Variants in REV3L observed in about 807,000 individuals in gnomAD.
REV3L encodes REV3 like, DNA directed polymerase zeta catalytic subunit, also known as DNA polymerase zeta catalytic subunit.
A neutral mutation model predicts 299.4 loss-of-function variants in REV3L; 69 were observed. That is an observed-to-expected ratio of 0.23 (90% CI 0.19 to 0.28). The LOEUF is 0.28. Ranked by LOEUF, REV3L falls within the 10% of genes least tolerant of loss-of-function variation. The pLI is 1.00. For missense variants in REV3L, 3,128 were observed against 3,693.8 expected (o/e 0.85, Z 3.97); for synonymous variants, 1,238 against 1,271.4 (o/e 0.97, Z 0.56).
chr6:111,342,037 A>G (rs529632127), intron 21 of REV3L, among the ~76,000 whole-genome samples: 1 of 152,054 alleles, frequency 6.6e-6, no homozygotes, highest in African/African-American at 2.4e-5. Flanking sequence ...AAAACTTAAA[A>G]CCAAATACTG....
chr6:111,366,695 T>G (rs977966509), intron 14 of REV3L, among the ~76,000 whole-genome samples: 1 of 151,912 alleles, frequency 6.6e-6, no homozygotes, highest in Non-Finnish European at 1.5e-5. Context: ...GAGAAATGAG[T>G]AGGAGGTAAA....
Position 111,389,183 on chromosome 6 carries a change from T to C in REV3L, c.785A>G (p.Gln262Arg), listed in dbSNP as rs778100076. The change falls in exon 7 of 32, where the codon CAG becomes CGG. Residue 262 changes from glutamine (Q) to arginine (R), a missense_variant. Physicochemically the swap from Gln to Arg is conservative, Grantham distance 43. Coordinates refer to ENST00000368802, the MANE Select transcript of REV3L (RefSeq NM_001372078.1). ...EAQIGGNPGL[Q>R]AIWEDEKQRR... ...TTGCTTTTCATCTTCCCATATGGCC[T>C]GTAGACCAGGGTTTCCACCAATTTG... 6.8e-6 allele frequency: 11 copies of C among 1,613,822 alleles called. No individual in the cohort carries two copies. The South Asian group carries it at 8.8e-5, about 13-fold the overall frequency.
chr6:111,442,639 TTTTGCCATTTTGTTTTC>T (rs1247567297), intron 1 of REV3L, among the ~76,000 whole-genome samples: 3 of 152,186 alleles, frequency 2.0e-5, no homozygotes, highest in African/African-American at 7.2e-5. Flanking sequence ...TGAGGTTATG[TTTTGCCATTTTGTTTTC>T]TATTTTTCCT....
intron 30 of REV3L, 183 bp from the exon 31 acceptor site, chr6:111,307,753 G>GGCAAGGACTTCAT: frequency 1.7e-6 from 1 of 586,966 alleles, no homozygotes; most frequent in Non-Finnish European, 3.0e-6. Context: ...AATGAATGAA[G>GGCAAGGACTTCAT]TCCTTGCCTT....
chr6:111,465,745 CAAAAAAA>C (rs376561912), intron 1 of REV3L, among the ~76,000 whole-genome samples: 1 of 76,864 alleles, frequency 1.3e-5, no homozygotes, highest in South Asian at 6.1e-4. Context: ...AAACAAAAAC[CAAAAAAA>C]AAAAAAAAAA....
chr6:111,326,335 C>A (rs2114802885), intron 25 of REV3L, among the ~76,000 whole-genome samples: 2 of 152,182 alleles, frequency 1.3e-5, no homozygotes, highest in South Asian at 4.2e-4. Flanking sequence ...TCTGAATAGA[C>A]ATTTCTCAAA....
At chr6:111,393,821 G>A (rs1389383064) in intron 4 of REV3L, among the ~76,000 whole-genome samples, 2 of 151,922 alleles carry the variant, frequency 1.3e-5, no homozygotes, top group Non-Finnish European at 1.5e-5. Context: ...GGTGCATCAC[G>A]ACTCCTGGCT....
chr6:111,385,850 G>A (rs1480328155), intron 9 of REV3L, among the ~76,000 whole-genome samples: 1 of 152,062 alleles, frequency 6.6e-6, no homozygotes, highest in Non-Finnish European at 1.5e-5. Context: ...CTTTAAAGAT[G>A]CTCAAATTCA....
At chr6:111,449,980 C>T (rs930938217) in intron 1 of REV3L, among the ~76,000 whole-genome samples, 1 of 151,874 alleles carries the variant, frequency 6.6e-6, no homozygotes, top group East Asian at 1.9e-4. Context: ...TAGAAGAATG[C>T]CTGAATATAT....
At chr6:111,352,425 A>G (rs1482601351) in intron 18 of REV3L, among the ~76,000 whole-genome samples, 2 of 152,190 alleles carry the variant, frequency 1.3e-5, no homozygotes, top group African/African-American at 4.8e-5. Flanking sequence ...GTGAAGGTAC[A>G]AGTGAGAATA....
At chr6:111,478,104 G>A (rs1252299298) in intron 1 of REV3L, among the ~76,000 whole-genome samples, 1 of 152,168 alleles carries the variant, frequency 6.6e-6, no homozygotes, top group East Asian at 1.9e-4. Flanking sequence ...CCTTGTAGCT[G>A]TTCCTCTATC....
chr6:111,373,487 A>C lies in REV3L; in HGVS notation c.4868T>G (p.Phe1623Cys), dbSNP rs139854934. The part of the protein sequence containing the change: ...DNSVSDDSPI[F>C]FSDPGFESCY... ...ACTTTCAAAGCCTGGATCTGAAAAA[A>C]AGATGGGACTATCATCTGATACAGA... Residue 1623 changes from phenylalanine (F) to cysteine (C), a missense_variant, in exon 13 of 32, where the codon TTT becomes TGT. Around this residue, in one of 9 missense-constraint regions of REV3L, gnomAD observed 2,409 missense variants for 2,611.8 expected, o/e 0.92. Transcript: ENST00000368802. 11 of 1,613,318 alleles carry C rather than the reference A, an allele frequency of 6.8e-6. No individual in the cohort carries two copies. The African/African-American group carries it at 1.1e-4, about 16-fold the overall frequency.
chr6:111,354,340 T>A (rs192434742), intron 18 of REV3L, among the ~76,000 whole-genome samples: 251 of 152,102 alleles, frequency 1.7e-3, no homozygotes, highest in African/African-American at 5.6e-3. Flanking sequence ...ACACTTTTTT[T>A]AAAAAAAATA....
intron 25 of REV3L, among the ~76,000 whole-genome samples, chr6:111,328,971 T>C (rs2114816393): frequency 6.6e-6 from 1 of 152,312 alleles, no homozygotes; most frequent in East Asian, 1.9e-4. Context: ...TTCACCATGT[T>C]GCCCAGGCTG....
chr6:111,340,024 G>A (rs1216893806), intron 21 of REV3L, among the ~76,000 whole-genome samples: 1 of 152,132 alleles, frequency 6.6e-6, no homozygotes, highest in Non-Finnish European at 1.5e-5. Context: ...ATAGGCTTGG[G>A]TAGTGCTGAA....
At chr6:111,354,377 A>G (rs1777883637) in intron 18 of REV3L, among the ~76,000 whole-genome samples, 1 of 152,174 alleles carries the variant, frequency 6.6e-6, no homozygotes, top group South Asian at 2.1e-4. Context: ...TTCGTCTCAG[A>G]TAAAAAGCTG....
chr6:111,376,595 G>C lies in REV3L; in HGVS notation c.1760C>G (p.Ser587Cys), dbSNP rs1421158464. ...TAAATCTTCCTTGTTCAAAACATGGGAAGAAAGGGCACTTGTGTGTTTACA... is the reference window on the plus strand; with the variant it reads ...TAAATCTTCCTTGTTCAAAACATGGCAAGAAAGGGCACTTGTGTGTTTACA... ...FQCKHTSALS[S>C]HVLNKEDLIE... is the part of the protein sequence containing the mutation. The change falls in exon 13 of 32, where the codon TCC becomes TGC. Residue 587 changes from serine (S) to cysteine (C), a missense_variant. Physicochemically the swap from Ser to Cys is moderately radical, Grantham distance 112 (BLOSUM62 -1). Coordinates refer to ENST00000368802, the MANE Select transcript of REV3L (RefSeq NM_001372078.1). 6.2e-7 allele frequency: 1 copy of C among 1,613,356 alleles called. No individual in the cohort carries two copies. The highest frequency in any genetic ancestry group is 1.1e-5 in the South Asian group (1 of 91,044).
intron 1 of REV3L, among the ~76,000 whole-genome samples, chr6:111,482,162 A>T (rs879277217): frequency 2.0e-5 from 3 of 152,206 alleles, no homozygotes; most frequent in Non-Finnish European, 4.4e-5. Context: ...CACTCACAGC[A>T]GAGCCACACG....
At chr6:111,415,498 T>C (rs1441022622) in intron 2 of REV3L, among the ~76,000 whole-genome samples, 15 of 152,160 alleles carry the variant, frequency 9.9e-5, no homozygotes, top group Admixed American at 9.2e-4. Flanking sequence ...TTTGGAGATC[T>C]GAGAGGTATA....
Sources: gnomAD v4.1 joint callset for allele counts (sites outside exome capture counted in the v4.1 genomes callset) on GRCh38, gnomAD v4.1.1 for gene constraint, gnomAD v4.1.1 regional missense constraint, MANE v1.5 for transcripts, NCBI Gene and HGNC (gene_info 2026-07-23, HGNC 2026-07-21) for gene names.